OSBPL11: variants seen among roughly 807,000 people sequenced by gnomAD.
OSBPL11 encodes the protein oxysterol-binding protein-related protein 11.
Under a neutral mutation model 84.4 loss-of-function variants are expected in OSBPL11, and 33 were observed. The ratio of observed to expected loss-of-function variants is 0.39; its 90% CI spans 0.30 to 0.52. OSBPL11 has a LOEUF of 0.52. Among genes scored for constraint, OSBPL11 ranks in the 20% least tolerant of loss-of-function variants. OSBPL11 has a pLI of 0.72. For synonymous variants in OSBPL11, 276 were observed against 310.2 expected (o/e 0.89, Z 1.16); for missense variants, 736 against 901.1 (o/e 0.82, Z 2.35).
rs11552380 is a variant in OSBPL11, at chr3:125,595,321, A to T, written c.-521T>A. Among the ~76,000 whole-genome samples, 326 of 150,016 alleles carry T rather than the reference A, an allele frequency of 2.2e-3. 1 individual carries two copies. The highest frequency in any genetic ancestry group is 7.8e-3 in the African/African-American group (315 of 40,624). Reference sequence around the variant, plus strand: ...CCAGGGCCGGCGCGCGCAGCCGGGGAGGAGGGTCGGGGAATGAGGCCGCCG... The same window carrying T: ...CCAGGGCCGGCGCGCGCAGCCGGGGTGGAGGGTCGGGGAATGAGGCCGCCG... On this transcript the variant is annotated 5_prime_UTR_variant, in exon 1 of 13. Coordinates refer to ENST00000296220, the MANE Select transcript of OSBPL11 (RefSeq NM_022776.5).
chr3:125,587,984 G>A (rs1457662231), intron 1 of OSBPL11, among the ~76,000 whole-genome samples: 2 of 152,174 alleles, frequency 1.3e-5, no homozygotes, highest in Non-Finnish European at 2.9e-5. Context: ...CACTTTGGGA[G>A]GCTGAGGTGG....
At chr3:125,545,877 A>G (rs966677400) in intron 10 of OSBPL11, among the ~76,000 whole-genome samples, 36 of 152,146 alleles carry the variant, frequency 2.4e-4, no homozygotes, top group Non-Finnish European at 4.0e-4. Flanking sequence ...GTCTGTCCCA[A>G]CTGCAGAGAG....
At chr3:125,532,061 T>C (rs751754121) in intron 11 of OSBPL11, 47 bp from the exon 12 acceptor site, 1 of 1,547,378 alleles carries the variant, frequency 6.5e-7, no homozygotes, top group Non-Finnish European at 8.7e-7. Flanking sequence ...TTAAAAGAGA[T>C]AATTAAATAG....
intron 9 of OSBPL11, among the ~76,000 whole-genome samples, chr3:125,549,085 G>A (rs939104595): frequency 8.6e-5 from 13 of 151,652 alleles, no homozygotes; most frequent in Non-Finnish European, 1.6e-4. Context: ...GCAATGGCAC[G>A]ACCTCAGCTC....
intron 1 of OSBPL11, among the ~76,000 whole-genome samples, chr3:125,592,702 T>A (rs1936616741): frequency 6.6e-6 from 1 of 151,958 alleles, no homozygotes; most frequent in African/African-American, 2.4e-5. Flanking sequence ...ATCAACAAAA[T>A]ATTTTTAAAG....
chr3:125,594,866 CTTTTTT>C lies in OSBPL11; in HGVS notation c.-72_-67del. ...AACAATTCTGTAGTTCTGTAGGTGA[CTTTTTT>C]TTTTTAAGATTTGATCTGAATATGA... On this transcript the variant is annotated 5_prime_UTR_variant, in exon 1 of 13. Transcript: ENST00000296220. 1 of 1,223,270 alleles carries C rather than the reference CTTTTTT, an allele frequency of 8.2e-7. No homozygotes were observed. Among genetic ancestry groups the C allele is most frequent in the Non-Finnish European group, 1.1e-6 (1 of 905,682 alleles). The allele number at this position is 1,223,270 out of a possible 1,614,324, so 75.8% of individuals were successfully genotyped here.
chr3:125,535,183 A>G (rs1935622947), intron 11 of OSBPL11, among the ~76,000 whole-genome samples: 1 of 151,828 alleles, frequency 6.6e-6, no homozygotes, highest in East Asian at 1.9e-4. Flanking sequence ...GATCCTACAC[A>G]GATAAAAAAA....
chr3:125,588,461 C>T (rs1936548527), intron 1 of OSBPL11, among the ~76,000 whole-genome samples: 1 of 152,150 alleles, frequency 6.6e-6, no homozygotes, highest in African/African-American at 2.4e-5. Context: ...TCCTCATAAT[C>T]TCTCTCTATA....
intron 1 of OSBPL11, 23 bp from the exon 2 acceptor site, chr3:125,583,001 A>C (rs755637729): frequency 6.5e-7 from 1 of 1,536,244 alleles, no homozygotes; most frequent in Non-Finnish European, 8.8e-7. Flanking sequence ...GAAAAAGCCA[A>C]AGTTAGTAAA....
At chr3:125,571,628 CAACGT>C (rs1936244159) in intron 5 of OSBPL11, among the ~76,000 whole-genome samples, 1 of 152,154 alleles carries the variant, frequency 6.6e-6, no homozygotes, top group Non-Finnish European at 1.5e-5. Context: ...TGAAAGGGGT[CAACGT>C]AGAGCTCGTC....
At chr3:125,537,320 G>T (rs1935655467) in intron 11 of OSBPL11, among the ~76,000 whole-genome samples, 1 of 152,102 alleles carries the variant, frequency 6.6e-6, no homozygotes, top group Non-Finnish European at 1.5e-5. Flanking sequence ...CCACTGCCTA[G>T]ATTAGTCCTA....
intron 9 of OSBPL11, among the ~76,000 whole-genome samples, chr3:125,550,546 C>T (rs1343160767): frequency 6.6e-6 from 1 of 152,170 alleles, no homozygotes; most frequent in African/African-American, 2.4e-5. Flanking sequence ...ATACTTTCTT[C>T]ATAACGACTA....
At chr3:125,559,319 T>TAA (rs1451731467) in intron 8 of OSBPL11, among the ~76,000 whole-genome samples, 1 of 152,150 alleles carries the variant, frequency 6.6e-6, no homozygotes, top group Non-Finnish European at 1.5e-5. Flanking sequence ...ATGGACTCTT[T>TAA]AATTTTGTTC....
At chr3:125,555,335 G>A (rs1372355460) in intron 8 of OSBPL11, among the ~76,000 whole-genome samples, 2 of 152,116 alleles carry the variant, frequency 1.3e-5, no homozygotes, top group Non-Finnish European at 2.9e-5. Context: ...GGCCTATTAT[G>A]AGACCTTACC....
At chr3:125,588,135 T>C (rs1242271600) in intron 1 of OSBPL11, among the ~76,000 whole-genome samples, 1 of 151,338 alleles carries the variant, frequency 6.6e-6, no homozygotes, top group Non-Finnish European at 1.5e-5. Context: ...GGCAGGAGAA[T>C]TGCTTGAAAC....
intron 10 of OSBPL11, among the ~76,000 whole-genome samples, chr3:125,542,299 A>G (rs906470494): frequency 3.2e-4 from 49 of 151,906 alleles, no homozygotes; most frequent in African/African-American, 1.1e-3. Context: ...AAGCAAAAGA[A>G]GTTAGGTTAT....
chr3:125,548,712 T>A (rs552508202), intron 9 of OSBPL11, among the ~76,000 whole-genome samples: 1 of 152,226 alleles, frequency 6.6e-6, no homozygotes, highest in South Asian at 2.1e-4. Context: ...TAGTCCAAAC[T>A]TTTATGGCAT....
chr3:125,545,323 GTTTC>G lies in OSBPL11; in HGVS notation c.1841+2079_1841+2082del, dbSNP rs754310598. Among the ~76,000 whole-genome samples the G allele has an allele frequency of 3.3e-5, 5 of 152,282 alleles. 1 individual carries two copies. The South Asian group carries it at 6.2e-4, about 19-fold the overall frequency. ...CTTTGGGAAGTATGTTGAGCATCAT[GTTTC>G]TTTATTTGCTTTAACAGATGAATCA... On this transcript the variant is annotated intron_variant, in intron 10 of 12. Transcript: ENST00000296220.
chr3:125,575,719 T>TA (rs1428421329), intron 5 of OSBPL11, among the ~76,000 whole-genome samples: 2 of 151,146 alleles, frequency 1.3e-5, no homozygotes, highest in Non-Finnish European at 2.9e-5. Context: ...AAATTTTTTT[T>TA]AGAGACGGGG....
Sources: gnomAD v4.1 joint callset for allele counts (sites outside exome capture counted in the v4.1 genomes callset) on GRCh38, gnomAD v4.1.1 for gene constraint, MANE v1.5 for transcripts, NCBI Gene and HGNC (gene_info 2026-07-23, HGNC 2026-07-21) for gene names.